The following TBC1D8 variants were observed in gnomAD, a reference collection of about 807,000 sequenced individuals.
TBC1D8 encodes BUB2-like protein 1.
A neutral mutation model predicts 118.8 loss-of-function variants in TBC1D8; 65 were observed. That is an observed-to-expected ratio of 0.55 (90% CI 0.45 to 0.67). The LOEUF (loss-of-function observed/expected upper bound fraction) is 0.67. Among genes scored for constraint, TBC1D8 ranks in the 30% least tolerant of loss-of-function variants. The probability of loss-of-function intolerance (pLI) is 0.00; values close to 1 mark genes in which losing one functional copy is unlikely to be tolerated. For missense variants in TBC1D8, 1,376 were observed against 1,471.2 expected (o/e 0.94, Z 1.06); for synonymous variants, 566 against 595.8 (o/e 0.95, Z 0.73).
chr2:101,149,874 T>G (rs1679477271), intron 1 of TBC1D8, among the ~76,000 whole-genome samples: 1 of 152,270 alleles, frequency 6.6e-6, no homozygotes, highest in South Asian at 2.1e-4. Flanking sequence ...GTTGCCCAAG[T>G]TGAGTCCTTG....
chr2:101,087,499 C>A (rs952698348), intron 2 of TBC1D8, among the ~76,000 whole-genome samples: 1 of 151,768 alleles, frequency 6.6e-6, no homozygotes, highest in African/African-American at 2.4e-5. Context: ...AAATATTAGC[C>A]GAGCGTGGTG....
chr2:101,079,049 G>A (rs1675072143), intron 2 of TBC1D8, among the ~76,000 whole-genome samples: 1 of 152,166 alleles, frequency 6.6e-6, no homozygotes. Flanking sequence ...GGTCAGACCA[G>A]CAAAACTGGC....
rs765028910 is a variant in TBC1D8, at chr2:101,010,995, C to T, written c.2949G>A (p.Lys983=). The change falls in exon 19 of 20, where the codon AAG becomes AAA. Residue 983 remains lysine, a synonymous_variant. Coordinates refer to ENST00000409318, the MANE Select transcript of TBC1D8 (RefSeq NM_001330348.2). ...CTTTGGCTAAATCCTTAATCATCTG[C>T]TTCAGCTGTTTCTGATAATCAACTG... ...GDAVDYQKQL[K]QMIKDLAKEK... The T allele has an allele frequency of 2.5e-6, 4 of 1,613,026 alleles. No individual in the cohort carries two copies. In the South Asian group the frequency reaches 4.4e-5, roughly 18 times the overall value.
chr2:101,063,743 T>A (rs1303489556), intron 2 of TBC1D8, among the ~76,000 whole-genome samples: 1 of 151,814 alleles, frequency 6.6e-6, no homozygotes, highest in African/African-American at 2.4e-5. Flanking sequence ...AAGTAGCACA[T>A]CTGAAAATAC....
Position 101,007,924 on chromosome 2 carries a change from T to G in TBC1D8, c.3365A>C (p.Asp1122Ala). The change falls in exon 20 of 20, where the codon GAC (aspartate) becomes GCC (alanine). Residue 1122 changes from aspartate to alanine, a missense_variant. Coordinates refer to ENST00000409318, the MANE Select transcript of TBC1D8 (RefSeq NM_001330348.2). Reference protein sequence around the residue: ...SLVNFFEKPLDMKSKLENAKI... With the variant: ...SLVNFFEKPLAMKSKLENAKI... Reference sequence around the variant, plus strand: ...GGCATTTTCAAGTTTGGATTTCATGTCCAGTGGCTTTTCAAAAAAGTTGAC... The same window carrying G: ...GGCATTTTCAAGTTTGGATTTCATGGCCAGTGGCTTTTCAAAAAAGTTGAC... 1 of 1,614,052 alleles carries G rather than the reference T, an allele frequency of 6.2e-7. No individual in the cohort carries two copies. Among genetic ancestry groups the G allele is most frequent in the Non-Finnish European group, 8.5e-7 (1 of 1,179,898 alleles).
At chr2:101,063,041 A>C (rs1682840616) in intron 2 of TBC1D8, among the ~76,000 whole-genome samples, 1 of 152,174 alleles carries the variant, frequency 6.6e-6, no homozygotes, top group African/African-American at 2.4e-5. Context: ...ACTTACAGCG[A>C]GCTGTCTCCC....
At chr2:101,070,215 C>A (rs1683237026) in intron 2 of TBC1D8, among the ~76,000 whole-genome samples, 5 of 151,826 alleles carry the variant, frequency 3.3e-5, no homozygotes, top group African/African-American at 4.8e-5. Context: ...CTGCTCCCGG[C>A]CTACATTTTT....
intron 1 of TBC1D8, among the ~76,000 whole-genome samples, chr2:101,115,404 T>C (rs926365971): frequency 1.1e-4 from 17 of 152,356 alleles, no homozygotes; most frequent in African/African-American, 4.1e-4. Flanking sequence ...GGAATTCTGA[T>C]CTTGAAATCT....
intron 1 of TBC1D8, among the ~76,000 whole-genome samples, chr2:101,128,347 C>T (rs1678439647): frequency 6.6e-6 from 1 of 152,224 alleles, no homozygotes; most frequent in South Asian, 2.1e-4. Flanking sequence ...AGCTTCAGCT[C>T]TCTTCAATTC....
chr2:101,027,330 CG>C (rs979100548), intron 15 of TBC1D8, 52 bp downstream of exon 15: 11 of 1,558,036 alleles, frequency 7.1e-6, no homozygotes, highest in Non-Finnish European at 9.7e-6. Context: ...CTGGGCACCG[CG>C]GCTCAGGCCA....
At chr2:101,022,610 C>T in intron 15 of TBC1D8, 89 bp from the exon 16 acceptor site, 1 of 1,485,690 alleles carries the variant, frequency 6.7e-7, no homozygotes, top group Non-Finnish European at 8.8e-7. Flanking sequence ...AAATTACTCA[C>T]AATCTCACCA....
intron 1 of TBC1D8, among the ~76,000 whole-genome samples, chr2:101,108,778 CA>C (rs1366539349): frequency 7.1e-6 from 1 of 141,556 alleles, no homozygotes; most frequent in Admixed American, 7.3e-5. Flanking sequence ...AGCTGATAAG[CA>C]ACCTTACTTC....
intron 4 of TBC1D8, among the ~76,000 whole-genome samples, chr2:101,053,456 C>T (rs1682192072): frequency 6.6e-6 from 1 of 152,214 alleles, no homozygotes; most frequent in Admixed American, 6.5e-5. Context: ...AAAACAAAAT[C>T]ACACACTCAC....
Position 101,007,872 on chromosome 2 carries a change from A to T in TBC1D8, c.3417T>A (p.Thr1139=). ...ATTGTGATTGGTGGCTCATTTCAAAAGTTTTGAGATTGTACTGATTGATCT... is the reference window on the plus strand; with the variant it reads ...ATTGTGATTGGTGGCTCATTTCAAATGTTTTGAGATTGTACTGATTGATCT... The part of the protein sequence containing the change: ...NAKINQYNLK[T]FEMSHQSQSE... Residue 1139 remains threonine (T), a synonymous_variant, in exon 20 of 20, where the codon ACT becomes ACA. Coordinates refer to ENST00000409318, the MANE Select transcript of TBC1D8 (RefSeq NM_001330348.2). 6.2e-7 allele frequency: 1 copy of T among 1,613,886 alleles called. No individual in the cohort carries two copies. Among genetic ancestry groups the T allele is most frequent in the Non-Finnish European group, 8.5e-7 (1 of 1,179,888 alleles).
intron 3 of TBC1D8, among the ~76,000 whole-genome samples, chr2:101,056,654 C>G (rs1157504905): frequency 2.0e-5 from 3 of 152,096 alleles, no homozygotes; most frequent in African/African-American, 7.2e-5. Flanking sequence ...AAAAGCATAT[C>G]TAATATATAA....
chr2:101,076,729 G>C (rs1244433267), intron 2 of TBC1D8, among the ~76,000 whole-genome samples: 1 of 152,326 alleles, frequency 6.6e-6, no homozygotes, highest in African/African-American at 2.4e-5. Flanking sequence ...TTATGAAAGA[G>C]ATCTGCTCTA....
At chr2:101,128,460 C>T (rs529053842) in intron 1 of TBC1D8, among the ~76,000 whole-genome samples, 28 of 152,266 alleles carry the variant, frequency 1.8e-4, no homozygotes, top group African/African-American at 6.7e-4. Context: ...CCAGCAAATT[C>T]AGTACAATGC....
intron 17 of TBC1D8, among the ~76,000 whole-genome samples, chr2:101,017,486 G>A (rs1361516086): frequency 6.6e-6 from 1 of 152,150 alleles, no homozygotes; most frequent in Non-Finnish European, 1.5e-5. Context: ...CAATGGCTAA[G>A]ATAGGAATTT....
chr2:101,059,030 C>T (rs776298029), intron 3 of TBC1D8, among the ~76,000 whole-genome samples: 11 of 151,950 alleles, frequency 7.2e-5, no homozygotes, highest in Non-Finnish European at 1.3e-4. Context: ...CTCAGCCTCC[C>T]GAGTAGCTGG....
Sources: gnomAD v4.1 joint callset for allele counts (sites outside exome capture counted in the v4.1 genomes callset) on GRCh38, gnomAD v4.1.1 for gene constraint, MANE v1.5 for transcripts, NCBI Gene and HGNC (gene_info 2026-07-23, HGNC 2026-07-21) for gene names.